The following CCDC57 variants were observed in gnomAD, a reference collection of about 807,000 sequenced individuals.
CCDC57 encodes the protein coiled-coil domain containing 57.
CCDC57 carries 118 observed loss-of-function variants against 118.9 expected under a neutral mutation model. That is an observed-to-expected ratio of 0.99 (90% confidence interval 0.86 to 1.16). The LOEUF (loss-of-function observed/expected upper bound fraction) is 1.16. CCDC57 is among the 50% of genes most tolerant of loss of function. CCDC57 has a pLI of 0.00. For missense variants in CCDC57, 1,300 were observed against 1,320.7 expected (o/e 0.98, Z 0.24); for synonymous variants, 527 against 532.9 (o/e 0.99, Z 0.15).
intron 16 of CCDC57, among the ~76,000 whole-genome samples, chr17:82,148,263 T>TA: frequency 8.0e-6 from 1 of 125,510 alleles, no homozygotes; most frequent in Admixed American, 7.9e-5. Flanking sequence ...GATGGATGGA[T>TA]GGTAGATGGA....
chr17:82,198,516 C>T (rs1599412478), intron 3 of CCDC57, 94 bp from the exon 3 acceptor site: 1 of 880,384 alleles, frequency 1.1e-6, no homozygotes, highest in Non-Finnish European at 1.8e-6. Flanking sequence ...AAAGTTGGTG[C>T]TTTGCTTTTA....
chr17:82,114,885 A>AT (rs1953721321), intron 19 of CCDC57, among the ~76,000 whole-genome samples: 2 of 152,322 alleles, frequency 1.3e-5, no homozygotes, highest in South Asian at 4.1e-4. Context: ...AAAGAACAGG[A>AT]TTTCCAGCCT....
chr17:82,132,265 G>A (rs1013906744), intron 17 of CCDC57, among the ~76,000 whole-genome samples: 2 of 152,042 alleles, frequency 1.3e-5, no homozygotes, highest in Non-Finnish European at 2.9e-5. Context: ...ACCATTTCAG[G>A]AACAGACAAC....
chr17:82,149,827 A>AGGCGCACACCCAGAACCT (rs2041623265), intron 16 of CCDC57, among the ~76,000 whole-genome samples: 1 of 147,340 alleles, frequency 6.8e-6, no homozygotes, highest in African/African-American at 2.5e-5. Flanking sequence ...ACCCAGAACC[A>AGGCGCACACCCAGAACCT]GGCGCACACC....
At chr17:82,208,521 C>T (rs1392120708) in intron 1 of CCDC57, among the ~76,000 whole-genome samples, 5 of 152,078 alleles carry the variant, frequency 3.3e-5, no homozygotes, top group South Asian at 4.1e-4. Flanking sequence ...TCCCGAAGTG[C>T]TGGGATTACA....
chr17:82,132,608 C>T (rs533176588), intron 17 of CCDC57, among the ~76,000 whole-genome samples: 4 of 152,102 alleles, frequency 2.6e-5, no homozygotes, highest in African/African-American at 9.6e-5. Context: ...TTGGTAGAGA[C>T]GGGGTCTCGC....
chr17:82,195,863 C>T (rs565896606), intron 4 of CCDC57, among the ~76,000 whole-genome samples: 17 of 147,466 alleles, frequency 1.2e-4, no homozygotes, highest in South Asian at 1.0e-3. Flanking sequence ...TACCCAGAAC[C>T]ACACCGGATG....
rs1227292906 is a variant in CCDC57, at chr17:82,172,178, C to T, written c.1730-325G>A. On this transcript the variant is annotated intron_variant, in intron 12 of 19. Transcript: ENST00000665763. The surrounding 1 kb of genome is among the most constrained non-coding windows in gnomAD (Gnocchi z 5.2). ...TCTGTGCAGAGGGGCCAAGTCCCAT[C>T]TCGAGAACGGAAGCTCTGCCTCCAT... Among the ~76,000 whole-genome samples the T allele has an allele frequency of 1.3e-5, 2 of 152,250 alleles. No individual in the cohort carries two copies. Among genetic ancestry groups the T allele is most frequent in the Non-Finnish European group, 2.9e-5 (2 of 68,040 alleles).
chr17:82,204,331 A>G (rs1157234879), intron 2 of CCDC57, among the ~76,000 whole-genome samples: 2 of 151,652 alleles, frequency 1.3e-5, no homozygotes, highest in Non-Finnish European at 2.9e-5. Flanking sequence ...AGCTCCTACA[A>G]CGGCCCCACC....
intron 2 of CCDC57, among the ~76,000 whole-genome samples, chr17:82,202,273 C>A (rs1392130588): frequency 6.6e-6 from 1 of 152,152 alleles, no homozygotes; most frequent in African/African-American, 2.4e-5. Flanking sequence ...TCGAGACCAG[C>A]CTGGCTAACA....
intron 19 of CCDC57, among the ~76,000 whole-genome samples, chr17:82,120,015 G>A (rs987517342): frequency 6.6e-6 from 1 of 152,134 alleles, no homozygotes; most frequent in Admixed American, 6.5e-5. Flanking sequence ...CAGGAGGGTG[G>A]TTCGGGGCCT....
At position 82,172,996 on chromosome 17, in the gene CCDC57, T is replaced by A. The variant is rs2044960489; in HGVS notation, c.1507-136A>T. 1 of 728,634 alleles carries A rather than the reference T, an allele frequency of 1.4e-6. No individual in the cohort carries two copies. Among genetic ancestry groups the A allele is most frequent in the South Asian group, 1.6e-5 (1 of 64,136 alleles). 45.1% of individuals were successfully genotyped at this position (728,634 alleles called of 1,614,324 possible). Reference sequence around the variant, plus strand: ...CAGCTTGGGCTGTGGTCCCTCCCCATCCCCAGGCTGTGATGCCCCTCCTTT... The same window carrying A: ...CAGCTTGGGCTGTGGTCCCTCCCCAACCCCAGGCTGTGATGCCCCTCCTTT... On this transcript the variant is annotated intron_variant, in intron 11 of 19. Transcript: ENST00000665763. This position sits in a 1 kb window ranked among gnomAD's most constrained non-coding sequence, Gnocchi z 5.2.
At chr17:82,173,723 C>T (rs1228100925) in intron 11 of CCDC57, among the ~76,000 whole-genome samples, 2 of 152,078 alleles carry the variant, frequency 1.3e-5, no homozygotes, top group Non-Finnish European at 2.9e-5. Context: ...AAAAGCAACC[C>T]GAGAAAAGAG....
At chr17:82,144,029 G>A (rs1218980243) in intron 16 of CCDC57, among the ~76,000 whole-genome samples, 1 of 150,996 alleles carries the variant, frequency 6.6e-6, no homozygotes, top group Non-Finnish European at 1.5e-5. Flanking sequence ...ACTCCAGCCT[G>A]GGCAACAGAC....
At chr17:82,106,168 G>C (rs2034831112) in intron 19 of CCDC57, 1 of 152,460 alleles carries the variant, frequency 6.6e-6, no homozygotes, top group East Asian at 1.9e-4. Flanking sequence ...CCCTTGAGAG[G>C]AGTCACCTAG....
At chr17:82,110,072 C>T (rs548634548) in intron 19 of CCDC57, among the ~76,000 whole-genome samples, 1 of 151,032 alleles carries the variant, frequency 6.6e-6, no homozygotes, top group Non-Finnish European at 1.5e-5. Flanking sequence ...TGTCCACCTC[C>T]CGGGTTCAAG....
chr17:82,201,790 C>T, exon 3 of CCDC57: 1 of 1,613,644 alleles, frequency 6.2e-7, no homozygotes. Flanking sequence ...CTCCTGCAGG[C>T]ACCGCAGTTT....
intron 7 of CCDC57, 151 bp downstream of exon 6, chr17:82,193,605 G>A (rs1412289890): frequency 3.1e-6 from 2 of 635,022 alleles, no homozygotes; most frequent in East Asian, 2.8e-5. Context: ...GGAAGAAAAA[G>A]AAGGAGAAAG....
At chr17:82,163,267 A>G (rs750798544) in exon 14 of CCDC57, 1 of 1,614,070 alleles carries the variant, frequency 6.2e-7, no homozygotes, top group African/African-American at 1.3e-5. Context: ...CCTGAGTGCC[A>G]GTCCAGAGGA....
Sources: allele counts gnomAD v4.1 joint callset (sites outside exome capture counted in the v4.1 genomes callset), GRCh38; gene constraint gnomAD v4.1.1; non-coding constraint Gnocchi (gnomAD v3.1); transcripts MANE v1.5; gene names NCBI Gene and HGNC (gene_info 2026-07-23, HGNC 2026-07-21).